Variants in MYO16 observed in about 807,000 individuals in gnomAD.
MYO16 encodes the protein myosin XVI.
In MYO16, 94 loss-of-function variants were observed where a neutral mutation model predicts 205.3. The ratio of observed to expected loss-of-function variants is 0.46; its 90% confidence interval spans 0.39 to 0.54. MYO16 has a LOEUF of 0.54. Among genes scored for constraint, MYO16 ranks in the 20% least tolerant of loss-of-function variants. The pLI, the probability that MYO16 is intolerant of heterozygous loss-of-function variation, is 0.00. For synonymous variants in MYO16, 988 were observed against 954.0 expected (o/e 1.04, Z -0.66); for missense variants, 2,315 against 2,387.5 (o/e 0.97, Z 0.63).
intron 28 of MYO16, among the ~76,000 whole-genome samples, chr13:109,109,323 A>G (rs1400586913): frequency 6.6e-6 from 1 of 152,194 alleles, no homozygotes; most frequent in African/African-American, 2.4e-5. Context: ...GGATCACCAC[A>G]AGGAGAAGGT....
intron 23 of MYO16, among the ~76,000 whole-genome samples, chr13:109,041,878 C>T (rs1176025508): frequency 2.2e-5 from 3 of 136,480 alleles, no homozygotes; most frequent in Non-Finnish European, 3.1e-5. Flanking sequence ...TTTTTTTTTC[C>T]GAGACTAGAG....
intron 1 of MYO16, among the ~76,000 whole-genome samples, chr13:108,633,882 T>C (rs1880100017): frequency 6.6e-6 from 1 of 152,162 alleles, no homozygotes; most frequent in Admixed American, 6.5e-5. Flanking sequence ...CAGAAGCTGC[T>C]CCCTCCATGT....
Position 108,780,262 on chromosome 13 carries a change from G to A in MYO16, c.508-5373G>A, listed in dbSNP as rs146715437. ...TGTGTAGTTTAAAGAATGAAAGCAAGGCATTTTTTTCAAATGTTGGGAAAG... is the reference window on the plus strand; with the variant it reads ...TGTGTAGTTTAAAGAATGAAAGCAAAGCATTTTTTTCAAATGTTGGGAAAG... On this transcript the variant is annotated intron_variant, in intron 4 of 34. Coordinates refer to ENST00000457511, the MANE Select transcript of MYO16 (RefSeq NM_001198950.3). 4.7e-4 allele frequency among the ~76,000 whole-genome samples: 71 copies of A among 152,022 alleles called. No homozygotes were observed. The South Asian group carries it at 8.9e-3, about 19-fold the overall frequency.
chr13:109,110,167 G>A (rs539954631), intron 28 of MYO16, among the ~76,000 whole-genome samples: 56 of 152,340 alleles, frequency 3.7e-4, no homozygotes, highest in Admixed American at 9.8e-4. Context: ...TCAAATGTGT[G>A]CTCTGACTGA....
chr13:109,126,638 G>T (rs1395422662), intron 30 of MYO16, among the ~76,000 whole-genome samples: 2 of 152,160 alleles, frequency 1.3e-5, no homozygotes, highest in Non-Finnish European at 1.5e-5. Flanking sequence ...AGAAGTATTT[G>T]TCTGTTTATT....
intron 10 of MYO16, among the ~76,000 whole-genome samples, chr13:108,847,142 T>C (rs1238859103): frequency 6.6e-6 from 1 of 152,220 alleles, no homozygotes; most frequent in Non-Finnish European, 1.5e-5. Flanking sequence ...AAGACGTTTC[T>C]AAAAGACATA....
chr13:108,649,918 T>A (rs529117460), intron 1 of MYO16, among the ~76,000 whole-genome samples: 1 of 152,282 alleles, frequency 6.6e-6, no homozygotes, highest in African/African-American at 2.4e-5. Flanking sequence ...ATGAAAATCA[T>A]GAAAAACTAT....
At position 108,794,149 on chromosome 13, in the gene MYO16, G is replaced by T. The variant is rs1243797547; in HGVS notation, c.741+509G>T. On this transcript the variant is annotated intron_variant, in intron 6 of 34. Coordinates refer to ENST00000457511, the MANE Select transcript of MYO16 (RefSeq NM_001198950.3). ...ACTGAGTCCACATGGACACAAAGAA[G>T]GAGACGAGACACCAGGGCCCACTTA... is the stretch of plus-strand genomic sequence containing the variant. Among the ~76,000 whole-genome samples, 6 of 152,176 alleles carry T rather than the reference G, an allele frequency of 3.9e-5. No homozygotes were observed. The South Asian group carries it at 1.2e-3, about 32-fold the overall frequency.
At chr13:108,535,520 CTATTATTTGAAAAA>C in the MYO16 span, among the ~76,000 whole-genome samples, 4 of 152,262 alleles carry the variant, frequency 2.6e-5, 1 homozygote, top group Middle Eastern at 0.01. Context: ...CTATTAAACA[CTATTATTTGAAAAA>C]TATTATTTGA....
chr13:108,940,778 G>T lies in MYO16; in HGVS notation c.1926-16910G>T, dbSNP rs146117620. Among the ~76,000 whole-genome samples the T allele has an allele frequency of 3.5e-3, 537 of 152,286 alleles. 7 individuals are homozygous for T. The highest frequency in any genetic ancestry group is 0.012 in the African/African-American group (513 of 41,540). On this transcript the variant is annotated intron_variant, in intron 16 of 34. Transcript: ENST00000457511. Reference sequence around the variant, plus strand: ...TCAACTATCAAATGCAGGCCTGTTAGCCTCTCTGGTATTCTCTGGAAGTGC... The same window carrying T: ...TCAACTATCAAATGCAGGCCTGTTATCCTCTCTGGTATTCTCTGGAAGTGC...
intron 22 of MYO16, among the ~76,000 whole-genome samples, chr13:109,013,002 A>G (rs1004916981): frequency 2.7e-5 from 4 of 150,824 alleles, no homozygotes; most frequent in African/African-American, 9.8e-5. Context: ...TCTAGGGTAC[A>G]TGTGCACAAC....
At chr13:108,965,304 G>A (rs1441071146) in intron 20 of MYO16, among the ~76,000 whole-genome samples, 2 of 152,160 alleles carry the variant, frequency 1.3e-5, no homozygotes, top group African/African-American at 2.4e-5. Flanking sequence ...TTCATGATGG[G>A]TTTTGGATCA....
chr13:108,592,984 A>C (rs1040995133), upstream of MYO16, among the ~76,000 whole-genome samples: 12 of 152,094 alleles, frequency 7.9e-5, no homozygotes, highest in Non-Finnish European at 1.2e-4. Context: ...TCCCTCTGCC[A>C]CCACACAGTT....
the MYO16 span, among the ~76,000 whole-genome samples, chr13:108,503,384 A>C: frequency 1.3e-5 from 2 of 152,172 alleles, no homozygotes; most frequent in African/African-American, 4.8e-5. Flanking sequence ...ATTTCAAAGC[A>C]GACCTGTTCT....
chr13:108,894,118 G>A (rs1450918490), intron 14 of MYO16, among the ~76,000 whole-genome samples: 1 of 152,174 alleles, frequency 6.6e-6, no homozygotes, highest in East Asian at 1.9e-4. Context: ...GAGAGAGCAT[G>A]CGCAGGGGAA....
the MYO16 span, among the ~76,000 whole-genome samples, chr13:108,522,376 T>A: frequency 6.6e-6 from 1 of 152,188 alleles, no homozygotes; most frequent in Non-Finnish European, 1.5e-5. Context: ...CCACATGGAT[T>A]TACAATTGTA....
intron 27 of MYO16, among the ~76,000 whole-genome samples, chr13:109,082,549 AG>A (rs1376095438): frequency 6.6e-6 from 1 of 152,170 alleles, no homozygotes; most frequent in African/African-American, 2.4e-5. Context: ...AATGGAAAAA[AG>A]CAGGCTAGGT....
intron 34 of MYO16, among the ~76,000 whole-genome samples, chr13:109,203,149 T>C (rs866013445): frequency 6.6e-6 from 1 of 152,332 alleles, no homozygotes; most frequent in Middle Eastern, 3.4e-3. Flanking sequence ...AAAGACTTTA[T>C]GACCAAGAAC....
chr13:108,960,217 G>A (rs1488780928), intron 17 of MYO16, among the ~76,000 whole-genome samples: 3 of 146,808 alleles, frequency 2.0e-5, no homozygotes, highest in African/African-American at 7.6e-5. Flanking sequence ...CAAGGCCGTA[G>A]TAAGTTATGA....
Sources: allele counts gnomAD v4.1 joint callset (sites outside exome capture counted in the v4.1 genomes callset), GRCh38; gene constraint gnomAD v4.1.1; transcripts MANE v1.5; gene names NCBI Gene and HGNC (gene_info 2026-07-23, HGNC 2026-07-21).